Variants in MALRD1 observed in about 807,000 individuals in gnomAD.
MALRD1 encodes MAM and LDL receptor class A domain containing 1, also known as MAM and LDL-receptor class A domain-containing protein 1.
In MALRD1, 247 loss-of-function variants were observed where a neutral mutation model predicts 242.1. The observed-to-expected ratio is 1.02, with a 90% confidence interval of 0.92 to 1.13. The LOEUF is 1.13. Ranked by LOEUF, MALRD1 falls within the 50% of genes most tolerant of loss-of-function variation. The probability of loss-of-function intolerance (pLI) is 0.00; values close to 1 mark genes in which losing one functional copy is unlikely to be tolerated. For synonymous variants in MALRD1, 995 were observed against 866.6 expected (o/e 1.15, Z -2.60); for missense variants, 2,989 against 2,533.1 (o/e 1.18, Z -3.86).
intron 14 of MALRD1, among the ~76,000 whole-genome samples, chr10:19,177,347 T>G (rs539849062): frequency 1.3e-5 from 2 of 151,986 alleles, no homozygotes; most frequent in African/African-American, 4.8e-5. Flanking sequence ...TGTTGTTTAA[T>G]TAAAGATTTT....
At chr10:19,243,771 T>C (rs1236405660) in intron 18 of MALRD1, among the ~76,000 whole-genome samples, 1 of 152,170 alleles carries the variant, frequency 6.6e-6, no homozygotes, top group Non-Finnish European at 1.5e-5. Context: ...GATTTAGAAA[T>C]ATGTAATAAC....
chr10:19,221,152 T>C (rs1837539134), intron 18 of MALRD1, among the ~76,000 whole-genome samples: 1 of 152,206 alleles, frequency 6.6e-6, no homozygotes, highest in Non-Finnish European at 1.5e-5. Flanking sequence ...TAATTTGTTT[T>C]TTCATTTGTG....
At chr10:19,444,416 C>T (rs1256725516) in intron 28 of MALRD1, among the ~76,000 whole-genome samples, 1 of 152,138 alleles carries the variant, frequency 6.6e-6, no homozygotes, top group Non-Finnish European at 1.5e-5. Flanking sequence ...ATGGTCTTTA[C>T]AATTTGGCAT....
intron 19 of MALRD1, among the ~76,000 whole-genome samples, chr10:19,271,198 C>G (rs543957716): frequency 4.6e-5 from 7 of 152,058 alleles, no homozygotes; most frequent in Non-Finnish European, 7.4e-5. Flanking sequence ...AAATCATTAA[C>G]GGTAGAATGG....
chr10:19,722,644 A>C (rs1834825017), intron 38 of MALRD1: 1 of 149,230 alleles, frequency 6.7e-6, no homozygotes, highest in Non-Finnish European at 1.5e-5. Flanking sequence ...AAAATACTAC[A>C]GTGATTATTA....
At chr10:19,624,934 G>GCTCACAC (rs1839580429) in intron 36 of MALRD1, among the ~76,000 whole-genome samples, 1 of 151,164 alleles carries the variant, frequency 6.6e-6, no homozygotes, top group Admixed American at 6.6e-5. Context: ...GAGCACAGTG[G>GCTCACAC]CTCACACCTG....
At chr10:19,669,315 GAAAC>G (rs1360221660) in intron 36 of MALRD1, among the ~76,000 whole-genome samples, 3 of 152,272 alleles carry the variant, frequency 2.0e-5, no homozygotes, top group African/African-American at 7.2e-5. Flanking sequence ...CATAGTATTT[GAAAC>G]AAACAATCTT....
intron 19 of MALRD1, among the ~76,000 whole-genome samples, chr10:19,265,707 A>G (rs2131831902): frequency 6.6e-6 from 1 of 152,172 alleles, no homozygotes; most frequent in South Asian, 2.1e-4. Context: ...GTTGAATGAA[A>G]TGTTTTGTAT....
chr10:19,118,236 T>C (rs1283180701), intron 5 of MALRD1, among the ~76,000 whole-genome samples: 1 of 152,218 alleles, frequency 6.6e-6, no homozygotes, highest in Non-Finnish European at 1.5e-5. Flanking sequence ...TCAAGCTCTG[T>C]AAAATATTAA....
intron 36 of MALRD1, among the ~76,000 whole-genome samples, chr10:19,623,061 A>G (rs1445813306): frequency 1.3e-5 from 2 of 152,102 alleles, no homozygotes; most frequent in Admixed American, 6.6e-5. Flanking sequence ...AGAAATAAGC[A>G]GTAAATTTCT....
At chr10:19,474,804 T>G (rs576592875) in intron 29 of MALRD1, among the ~76,000 whole-genome samples, 1 of 152,180 alleles carries the variant, frequency 6.6e-6, no homozygotes, top group Non-Finnish European at 1.5e-5. Context: ...TTTATATATT[T>G]TATTTTATCT....
chr10:19,111,193 A>C (rs1332459971), intron 5 of MALRD1, among the ~76,000 whole-genome samples: 1 of 152,192 alleles, frequency 6.6e-6, no homozygotes, highest in Non-Finnish European at 1.5e-5. Context: ...TAAGTATTTA[A>C]AAAGACTCTA....
chr10:19,669,828 G>A (rs1446039670), intron 36 of MALRD1, among the ~76,000 whole-genome samples: 1 of 152,032 alleles, frequency 6.6e-6, no homozygotes, highest in Non-Finnish European at 1.5e-5. Flanking sequence ...CTGCTTGGAG[G>A]CAGTGAGTGA....
intron 24 of MALRD1, among the ~76,000 whole-genome samples, chr10:19,332,381 A>G (rs920745776): frequency 6.6e-6 from 1 of 152,120 alleles, no homozygotes; most frequent in Non-Finnish European, 1.5e-5. Context: ...AAGGAGATAC[A>G]TATCAGCTGT....
Position 19,547,803 on chromosome 10 carries a change from TA to T in MALRD1, c.5478+16453del, listed in dbSNP as rs1564431645. 6.3e-4 allele frequency among the ~76,000 whole-genome samples: 10 copies of T among 15,864 alleles called. No individual in the cohort carries two copies. In the East Asian group the frequency reaches 6.5e-3, roughly 10 times the overall value. The allele number at this position is 15,864 out of a possible 152,430, so 10.4% of individuals were successfully genotyped here. On this transcript the variant is annotated intron_variant, in intron 32 of 39. Transcript: ENST00000454679. ...ACAGATACATATATATATATATATATATATATATATATATATTTTTTTTTTT... is the reference window on the plus strand; with the variant it reads ...ACAGATACATATATATATATATATATTATATATATATATATTTTTTTTTTT...
intron 21 of MALRD1, among the ~76,000 whole-genome samples, chr10:19,303,415 GATATAA>G (rs1416170000): frequency 6.6e-6 from 1 of 151,670 alleles, no homozygotes; most frequent in African/African-American, 2.4e-5. Flanking sequence ...AGAAATCACA[GATATAA>G]ATAGAAAAAC....
intron 36 of MALRD1, among the ~76,000 whole-genome samples, chr10:19,678,116 T>C (rs952660914): frequency 6.6e-6 from 1 of 152,214 alleles, no homozygotes; most frequent in African/African-American, 2.4e-5. Context: ...GCTTCCAGTT[T>C]TGTGCTTTTA....
intron 28 of MALRD1, among the ~76,000 whole-genome samples, chr10:19,399,867 T>C (rs1238134796): frequency 6.6e-6 from 1 of 152,196 alleles, no homozygotes; most frequent in African/African-American, 2.4e-5. Flanking sequence ...ATAAAGCTCC[T>C]TGGTAAATTC....
Position 19,186,540 on chromosome 10 carries a change from C to T in MALRD1, c.1951+11212C>T, listed in dbSNP as rs150573476. Among the ~76,000 whole-genome samples, 41 of 152,300 alleles carry T rather than the reference C, an allele frequency of 2.7e-4. No individual in the cohort carries two copies. The East Asian group carries it at 6.9e-3, about 26-fold the overall frequency. ...AGGATAGTAGTGAAAATACGTGATT[C>T]TTCTTCCGCCGTTGAAAATTCTATT... On this transcript the variant is annotated intron_variant, in intron 14 of 39. Transcript: ENST00000454679.
Sources: gnomAD v4.1 joint callset for allele counts (sites outside exome capture counted in the v4.1 genomes callset) on GRCh38, gnomAD v4.1.1 for gene constraint, MANE v1.5 for transcripts, NCBI Gene and HGNC (gene_info 2026-07-23, HGNC 2026-07-21) for gene names.